Variants in LPCAT1 observed in about 807,000 individuals in gnomAD.
LPCAT1 encodes the protein lysophosphatidylcholine acyltransferase 1.
Under a neutral mutation model 60.9 loss-of-function variants are expected in LPCAT1, and 23 were observed. That is an observed-to-expected ratio of 0.38 (90% CI 0.27 to 0.53). The LOEUF (loss-of-function observed/expected upper bound fraction) is 0.53, where lower values mean the gene tolerates loss of function less well. Ranked by LOEUF, LPCAT1 falls within the 20% of genes least tolerant of loss-of-function variation. The pLI, the probability that LPCAT1 is intolerant of heterozygous loss-of-function variation, is 0.82. For missense variants in LPCAT1, 622 were observed against 723.6 expected, an observed-to-expected ratio of 0.86 and a Z score of 1.61; for synonymous variants, 340 against 301.1, an observed-to-expected ratio of 1.13 and a Z score of -1.34.
chr5:1,474,240 G>A (rs1734806665), intron 10 of LPCAT1, 130 bp from the exon 11 acceptor site: 1 of 1,065,694 alleles, frequency 9.4e-7, no homozygotes. Flanking sequence ...TCAAGAAAAG[G>A]CATTCTCCTA....
At position 1,463,747 on chromosome 5, in the gene LPCAT1, C is replaced by T; in HGVS notation, c.1509G>A (p.Glu503=). The change falls in exon 14 of 14, where the codon GAG becomes GAA. Residue 503 remains glutamate, a synonymous_variant. Coordinates refer to ENST00000283415, the MANE Select transcript of LPCAT1 (RefSeq NM_024830.5). ...PDQTHFESCA[E]TSPAPIPNGF... ...CGTTTGGGATTGGCGCAGGTGAGGT[C>T]TCTGCACAGCTTTCGAAATGTGTCT... The T allele has an allele frequency of 1.2e-6, 2 of 1,614,242 alleles. No homozygotes were observed. Among genetic ancestry groups the T allele is most frequent in the Non-Finnish European group, 1.7e-6 (2 of 1,180,034 alleles).
At chr5:1,470,786 CCCTGT>C in intron 12 of LPCAT1, 35 bp downstream of exon 12, 1 of 1,534,036 alleles carries the variant, frequency 6.5e-7, no homozygotes, top group South Asian at 1.1e-5. Context: ...GACTGCACCG[CCCTGT>C]CCCCCAGTCA....
chr5:1,472,980 C>A (rs548255272), intron 11 of LPCAT1, among the ~76,000 whole-genome samples: 1 of 151,898 alleles, frequency 6.6e-6, no homozygotes, highest in African/African-American at 2.4e-5. Context: ...GTCCTGGGTG[C>A]TCCTCATCTT....
chr5:1,474,723 T>C (rs1182062617), intron 9 of LPCAT1, 38 bp from the exon 10 acceptor site: 8 of 1,592,110 alleles, frequency 5.0e-6, no homozygotes, highest in Non-Finnish European at 6.0e-6. Context: ...CCCAGCCTCG[T>C]GGCAGCCAGT....
chr5:1,464,862 AAC>A (rs767264574), intron 13 of LPCAT1, among the ~76,000 whole-genome samples: 95 of 129,702 alleles, frequency 7.3e-4, no homozygotes, highest in Middle Eastern at 3.8e-3. Context: ...ACACACAGTA[AAC>A]ACATGCGTGT....
Position 1,523,688 on chromosome 5 carries a change from G to T in LPCAT1, c.135+22C>A, listed in dbSNP as rs1358693879. 1.3e-5 allele frequency: 14 copies of T among 1,087,616 alleles called. No individual in the cohort carries two copies. Among genetic ancestry groups the T allele is most frequent in the Non-Finnish European group, 1.5e-5 (13 of 895,482 alleles). The allele number at this position is 1,087,616 out of a possible 1,614,324, so 67.4% of individuals were successfully genotyped here. A position where few individuals can be genotyped will look rare whatever the true frequency, so the allele number is the denominator to read the frequency against. ...CCTGGCGTCCGCGCCGGCTCCCGGG[G>T]CCGCGCGCCCTGGGCACCCACCTGG... On this transcript the variant is annotated intron_variant, in intron 1 of 13. Transcript: ENST00000283415. The surrounding 1 kb of genome is among the most constrained non-coding windows in gnomAD (Gnocchi z 7.1).
chr5:1,466,934 C>T, intron 12 of LPCAT1, 44 bp from the exon 13 acceptor site: 3 of 1,483,710 alleles, frequency 2.0e-6, no homozygotes, highest in South Asian at 1.4e-5. Flanking sequence ...CCTCCCCTGC[C>T]CACCAGGCCC....
At chr5:1,512,140 G>A (rs577577307) in intron 1 of LPCAT1, among the ~76,000 whole-genome samples, 7 of 152,316 alleles carry the variant, frequency 4.6e-5, no homozygotes, top group Admixed American at 1.3e-4. Context: ...TGAGCCCCAC[G>A]GCCACCCGGA....
At chr5:1,478,540 G>C (rs1735012454) in intron 8 of LPCAT1, among the ~76,000 whole-genome samples, 1 of 152,250 alleles carries the variant, frequency 6.6e-6, no homozygotes, top group South Asian at 2.1e-4. Context: ...CTCGAGGCCT[G>C]GCCTGCACCC....
At chr5:1,467,226 C>CG (rs796729004) in intron 12 of LPCAT1, 33 of 278,616 alleles carry the variant, frequency 1.2e-4, no homozygotes, top group Middle Eastern at 1.0e-3. Flanking sequence ...GCCTGGGCCA[C>CG]GGGCGAGCGC....
At chr5:1,491,260 C>T (rs899024507) in intron 3 of LPCAT1, among the ~76,000 whole-genome samples, 3 of 152,046 alleles carry the variant, frequency 2.0e-5, no homozygotes, top group South Asian at 2.1e-4. Flanking sequence ...GGATGGCGCA[C>T]GCGTCAAAGA....
chr5:1,464,918 G>A (rs376467097), intron 13 of LPCAT1, among the ~76,000 whole-genome samples: 2 of 149,272 alleles, frequency 1.3e-5, no homozygotes. Flanking sequence ...ACACACATGC[G>A]TGCACACACA....
intron 1 of LPCAT1, chr5:1,510,688 C>T (rs1275773049): frequency 6.6e-6 from 1 of 152,384 alleles, no homozygotes; most frequent in Non-Finnish European, 1.5e-5. Flanking sequence ...TTCCAGGATA[C>T]AGGGACGGCC....
chr5:1,513,310 T>TCC (rs1560994043), intron 1 of LPCAT1, among the ~76,000 whole-genome samples: 1 of 151,840 alleles, frequency 6.6e-6, no homozygotes, highest in Non-Finnish European at 1.5e-5. Flanking sequence ...ACATATGACG[T>TCC]CCCCCATGTC....
At chr5:1,498,975 G>C (rs1243800549) in intron 2 of LPCAT1, among the ~76,000 whole-genome samples, 1 of 152,182 alleles carries the variant, frequency 6.6e-6, no homozygotes, top group East Asian at 1.9e-4. Flanking sequence ...ATGATACACA[G>C]TGAGTCTCCA....
chr5:1,495,723 T>G lies in LPCAT1; in HGVS notation c.279-809A>C, dbSNP rs887358246. On this transcript the variant is annotated intron_variant, in intron 2 of 13. Coordinates refer to ENST00000283415, the MANE Select transcript of LPCAT1 (RefSeq NM_024830.5). The surrounding 1 kb of genome is among the most constrained non-coding windows in gnomAD (Gnocchi z 4.7). Reference sequence around the variant, plus strand: ...AGCCTCATGAGAAGCCACGGCTCACTCGGCCACTGGGTTAAGTGGGCGCAT... The same window carrying G: ...AGCCTCATGAGAAGCCACGGCTCACGCGGCCACTGGGTTAAGTGGGCGCAT... 6.6e-6 allele frequency among the ~76,000 whole-genome samples: 1 copy of G among 152,040 alleles called. No homozygotes were observed.
intron 1 of LPCAT1, among the ~76,000 whole-genome samples, chr5:1,518,407 C>G (rs1362162116): frequency 6.6e-6 from 1 of 152,226 alleles, no homozygotes; most frequent in East Asian, 1.9e-4. Context: ...GTGGTGCGAT[C>G]TCCGCTCACT....
At chr5:1,471,830 CAG>C (rs1464012610) in intron 11 of LPCAT1, among the ~76,000 whole-genome samples, 1 of 149,718 alleles carries the variant, frequency 6.7e-6, no homozygotes, top group African/African-American at 2.5e-5. Context: ...GGACTCTGGC[CAG>C]AGAGCAGGAG....
intron 11 of LPCAT1, among the ~76,000 whole-genome samples, chr5:1,471,958 CCAGGA>C (rs1734688882): frequency 7.2e-6 from 1 of 138,286 alleles, no homozygotes; most frequent in African/African-American, 2.7e-5. Context: ...TGAGGAGCAC[CCAGGA>C]CAGGGGGAGG....
Sources: gnomAD v4.1 joint callset for allele counts (sites outside exome capture counted in the v4.1 genomes callset) on GRCh38, gnomAD v4.1.1 for gene constraint, Gnocchi (gnomAD v3.1) non-coding constraint, MANE v1.5 for transcripts, NCBI Gene and HGNC (gene_info 2026-07-23, HGNC 2026-07-21) for gene names.